TENM3: variants seen among roughly 807,000 people sequenced by gnomAD.
The protein encoded by TENM3 is teneurin-3.
TENM3 carries 63 observed loss-of-function variants against 255.1 expected under a neutral mutation model. The observed-to-expected ratio is 0.25, with a 90% CI of 0.20 to 0.30. The LOEUF (loss-of-function observed/expected upper bound fraction) is 0.30, where lower values mean the gene tolerates loss of function less well. TENM3 is among the 10% of genes least tolerant of loss of function. The pLI is 1.00. For synonymous variants in TENM3, 1,306 were observed against 1,322.3 expected, an observed-to-expected ratio of 0.99 and a Z score of 0.27; for missense variants, 2,929 against 3,461.1, an observed-to-expected ratio of 0.85 and a Z score of 3.86.
the TENM3 span, among the ~76,000 whole-genome samples, chr4:181,773,146 T>G: frequency 6.6e-6 from 1 of 152,130 alleles, no homozygotes; most frequent in South Asian, 2.1e-4. Flanking sequence ...CATCCAGATT[T>G]TTCTTCTTCA....
chr4:181,549,865 C>A, the TENM3 span, among the ~76,000 whole-genome samples: 1 of 152,158 alleles, frequency 6.6e-6, no homozygotes, highest in African/African-American at 2.4e-5. Context: ...CTATAAATAT[C>A]TTTTCAGCAC....
chr4:182,744,070 G>A, intron 19 of TENM3: 1 of 861,882 alleles, frequency 1.2e-6, no homozygotes, highest in Non-Finnish European at 1.4e-6. Context: ...TTATATTTTA[G>A]AAGGCTTTTC....
intron 3 of TENM3, among the ~76,000 whole-genome samples, chr4:182,495,375 G>A (rs1735678258): frequency 6.6e-6 from 1 of 152,054 alleles, no homozygotes; most frequent in Admixed American, 6.5e-5. Context: ...CCAATCTTCA[G>A]GACTCACAGG....
chr4:181,515,863 AT>A, the TENM3 span, among the ~76,000 whole-genome samples: 2 of 152,198 alleles, frequency 1.3e-5, no homozygotes, highest in East Asian at 3.9e-4. Flanking sequence ...CCAAAGGAAT[AT>A]AAATCATTCT....
chr4:182,664,760 G>T (rs190553729), intron 6 of TENM3, among the ~76,000 whole-genome samples: 4 of 152,110 alleles, frequency 2.6e-5, no homozygotes, highest in African/African-American at 9.7e-5. Flanking sequence ...CTGGATAGAC[G>T]ATCAAACCAG....
intron 3 of TENM3, among the ~76,000 whole-genome samples, chr4:182,372,763 C>G (rs539326126): frequency 6.6e-6 from 1 of 152,324 alleles, no homozygotes; most frequent in African/African-American, 2.4e-5. Context: ...GAGTCTCGCT[C>G]TGTCACTCAA....
chr4:181,534,001 C>A, the TENM3 span, among the ~76,000 whole-genome samples: 2 of 152,124 alleles, frequency 1.3e-5, no homozygotes, highest in African/African-American at 4.8e-5. Context: ...GTGAATACTC[C>A]AAGTCATTCT....
the TENM3 span, among the ~76,000 whole-genome samples, chr4:181,816,733 C>T: frequency 6.6e-6 from 1 of 152,288 alleles, no homozygotes; most frequent in East Asian, 1.9e-4. Flanking sequence ...CTATCTTCCC[C>T]ATCCACTAGG....
the TENM3 span, among the ~76,000 whole-genome samples, chr4:181,485,583 T>A: frequency 6.6e-6 from 1 of 152,158 alleles, no homozygotes; most frequent in African/African-American, 2.4e-5. Context: ...AAACTTTAAA[T>A]ATTTTAATGT....
chr4:182,187,694 TA>T (rs368813819), intron 1 of TENM3, among the ~76,000 whole-genome samples: 124 of 152,228 alleles, frequency 8.1e-4, no homozygotes, highest in African/African-American at 2.9e-3. Flanking sequence ...GAAAAGCTCT[TA>T]AGTCAGTGGC....
At chr4:182,181,578 A>G (rs1385818042) in intron 1 of TENM3, among the ~76,000 whole-genome samples, 5 of 152,258 alleles carry the variant, frequency 3.3e-5, no homozygotes, top group Non-Finnish European at 7.3e-5. Flanking sequence ...AGGAAATTAC[A>G]TCATATAATA....
chr4:181,707,398 C>T, the TENM3 span, among the ~76,000 whole-genome samples: 1 of 152,108 alleles, frequency 6.6e-6, no homozygotes, highest in African/African-American at 2.4e-5. Flanking sequence ...AGAAGAACAC[C>T]ATCTTTAGAG....
the TENM3 span, among the ~76,000 whole-genome samples, chr4:181,801,651 AATATATATATAT>A: frequency 0.026 from 2,101 of 80,762 alleles, 48 homozygotes; most frequent in African/African-American, 0.035. Context: ...AGAATTGTAA[AATATATATATAT>A]ATATATATAT....
the TENM3 span, among the ~76,000 whole-genome samples, chr4:181,523,269 C>T: frequency 4.1e-4 from 62 of 152,018 alleles, no homozygotes; most frequent in Non-Finnish European, 5.3e-4. Context: ...ATTATTTATG[C>T]GTAACATTCA....
chr4:181,578,444 G>A, the TENM3 span, among the ~76,000 whole-genome samples: 1 of 152,126 alleles, frequency 6.6e-6, no homozygotes, highest in Non-Finnish European at 1.5e-5. Context: ...TAGCGGCCAG[G>A]GTCTGGCTTC....
chr4:182,767,036 A>G (rs1763775208), intron 22 of TENM3, among the ~76,000 whole-genome samples: 1 of 152,114 alleles, frequency 6.6e-6, no homozygotes, highest in South Asian at 2.1e-4. Context: ...GGGGAGTATC[A>G]GGTGGTGCCA....
intron 1 of TENM3, among the ~76,000 whole-genome samples, chr4:182,204,043 G>A (rs950115554): frequency 6.6e-6 from 1 of 152,214 alleles, no homozygotes; most frequent in Non-Finnish European, 1.5e-5. Context: ...AGCGCCGACA[G>A]TAATGGATAG....
the TENM3 span, among the ~76,000 whole-genome samples, chr4:182,037,150 A>C: frequency 6.9e-6 from 1 of 144,682 alleles, no homozygotes; most frequent in Admixed American, 6.8e-5. Flanking sequence ...AACTCCTTTT[A>C]TTTTTTTTTT....
chr4:182,311,427 TC>T (rs1230550084), intron 1 of TENM3, among the ~76,000 whole-genome samples: 2 of 152,216 alleles, frequency 1.3e-5, no homozygotes, highest in Non-Finnish European at 2.9e-5. Flanking sequence ...CTTTTTTACT[TC>T]TTAAAAAATT....
Sources: allele counts gnomAD v4.1 joint callset (sites outside exome capture counted in the v4.1 genomes callset), GRCh38; gene constraint gnomAD v4.1.1; transcripts MANE v1.5; gene names NCBI Gene and HGNC (gene_info 2026-07-23, HGNC 2026-07-21).